TSPAN5: variants seen among roughly 807,000 people sequenced by gnomAD.
TSPAN5 encodes the protein tetraspanin 5, also known as tetraspanin-5.
TSPAN5 carries 10 observed loss-of-function variants against 37.1 expected under a neutral mutation model. That is an observed-to-expected ratio of 0.27 (90% CI 0.17 to 0.46). The LOEUF is 0.46. Among genes scored for constraint, TSPAN5 ranks in the 20% least tolerant of loss-of-function variants. The pLI is 1.00. For missense variants in TSPAN5, 195 were observed against 326.6 expected, an observed-to-expected ratio of 0.60 and a Z score of 3.11; for synonymous variants, 110 against 118.9, an observed-to-expected ratio of 0.93 and a Z score of 0.48.
intron 1 of TSPAN5, among the ~76,000 whole-genome samples, chr4:98,580,735 C>T (rs929971497): frequency 9.2e-5 from 14 of 152,122 alleles, no homozygotes; most frequent in African/African-American, 3.4e-4. Flanking sequence ...AGCATGAAAA[C>T]CTGTTTTTTT....
At chr4:98,529,608 T>G (rs1192495132) in intron 1 of TSPAN5, among the ~76,000 whole-genome samples, 1 of 152,188 alleles carries the variant, frequency 6.6e-6, no homozygotes, top group African/African-American at 2.4e-5. Context: ...CTAGAGTTGC[T>G]ACCTACCTAG....
chr4:98,568,630 T>A (rs955713576), intron 1 of TSPAN5, among the ~76,000 whole-genome samples: 3 of 152,074 alleles, frequency 2.0e-5, no homozygotes, highest in Non-Finnish European at 4.4e-5. Flanking sequence ...CAAAGAAATT[T>A]AGACTCCCAC....
intron 1 of TSPAN5, among the ~76,000 whole-genome samples, chr4:98,557,211 A>G (rs1359186805): frequency 2.0e-5 from 3 of 152,236 alleles, no homozygotes; most frequent in African/African-American, 4.8e-5. Context: ...TAAACAGAAT[A>G]CACACTGTAT....
At chr4:98,478,538 A>T (rs958811864) in intron 5 of TSPAN5, 147 bp downstream of exon 5, 58 of 919,874 alleles carry the variant, frequency 6.3e-5, no homozygotes, top group Non-Finnish European at 9.7e-5. Context: ...TACTAGGAAG[A>T]TTTGAGCACC....
intron 1 of TSPAN5, among the ~76,000 whole-genome samples, chr4:98,646,637 C>A (rs953652845): frequency 2.0e-5 from 3 of 152,106 alleles, no homozygotes; most frequent in Non-Finnish European, 4.4e-5. Flanking sequence ...CTGGTATCCA[C>A]GATAAGAACT....
chr4:98,635,927 TAGA>T (rs542101745), intron 1 of TSPAN5, among the ~76,000 whole-genome samples: 511 of 152,316 alleles, frequency 3.4e-3, no homozygotes, highest in Non-Finnish European at 5.6e-3. Context: ...AGGGTAGGGA[TAGA>T]AGAAGTTTAG....
intron 1 of TSPAN5, among the ~76,000 whole-genome samples, chr4:98,601,238 C>G (rs995502160): frequency 4.6e-5 from 7 of 152,216 alleles, no homozygotes; most frequent in African/African-American, 1.7e-4. Flanking sequence ...AAGACACCAG[C>G]TGCATTAGCC....
chr4:98,611,024 GAC>G (rs1239660495), intron 1 of TSPAN5, among the ~76,000 whole-genome samples: 1 of 152,170 alleles, frequency 6.6e-6, no homozygotes, highest in East Asian at 1.9e-4. Context: ...CCCTCTTAAA[GAC>G]ACAGCCACTT....
chr4:98,655,741 AAGCT>A (rs1324689306), intron 1 of TSPAN5, among the ~76,000 whole-genome samples: 1 of 152,228 alleles, frequency 6.6e-6, no homozygotes, highest in Non-Finnish European at 1.5e-5. Flanking sequence ...GCAAGCTGCC[AAGCT>A]ACTGACCCCA....
rs11722586 is a variant in TSPAN5, at chr4:98,542,254, T to C, written c.82-34526A>G. ...CATCTGCTCACATCCGTTCCACCCA[T>C]GGAGCTGTGTGCTTATTCCAGGTGA... is the stretch of plus-strand genomic sequence containing the variant. On this transcript the variant is annotated intron_variant, in intron 1 of 7. Coordinates refer to ENST00000305798, the MANE Select transcript of TSPAN5 (RefSeq NM_005723.4). Among the ~76,000 whole-genome samples, 322 of 152,356 alleles carry C rather than the reference T, an allele frequency of 2.1e-3. 1 individual carries two copies. The highest frequency in any genetic ancestry group is 3.7e-3 in the Non-Finnish European group (249 of 68,034).
chr4:98,627,765 C>T (rs184537239), intron 1 of TSPAN5, among the ~76,000 whole-genome samples: 1 of 152,220 alleles, frequency 6.6e-6, no homozygotes, highest in Non-Finnish European at 1.5e-5. Context: ...ATTGCTGTAA[C>T]TCAAAACATA....
chr4:98,555,980 C>A (rs1444377300), intron 1 of TSPAN5, among the ~76,000 whole-genome samples: 1 of 122,632 alleles, frequency 8.2e-6, no homozygotes, highest in Non-Finnish European at 1.6e-5. Flanking sequence ...CGCGCGCGCA[C>A]ACACACGTGC....
At chr4:98,504,216 C>T (rs527541246) in intron 2 of TSPAN5, among the ~76,000 whole-genome samples, 1 of 152,224 alleles carries the variant, frequency 6.6e-6, no homozygotes, top group East Asian at 1.9e-4. Flanking sequence ...TGGGGATTTA[C>T]CCTCCAGGCC....
At chr4:98,656,670 C>T (rs1390236802) in intron 1 of TSPAN5, among the ~76,000 whole-genome samples, 1 of 152,194 alleles carries the variant, frequency 6.6e-6, no homozygotes, top group African/African-American at 2.4e-5. Flanking sequence ...TCGGATATGA[C>T]ATCCATTCAT....
At chr4:98,612,180 T>C (rs1756211683) in intron 1 of TSPAN5, among the ~76,000 whole-genome samples, 2 of 152,040 alleles carry the variant, frequency 1.3e-5, no homozygotes, top group Admixed American at 6.5e-5. Context: ...CTCTTCCATC[T>C]GAAGAGATGA....
At chr4:98,530,387 T>A (rs1438937063) in intron 1 of TSPAN5, among the ~76,000 whole-genome samples, 1 of 152,110 alleles carries the variant, frequency 6.6e-6, no homozygotes, top group African/African-American at 2.4e-5. Context: ...GACAATGATA[T>A]CCCCATCATA....
At chr4:98,625,458 T>A (rs1262568097) in intron 1 of TSPAN5, among the ~76,000 whole-genome samples, 1 of 152,218 alleles carries the variant, frequency 6.6e-6, no homozygotes, top group Non-Finnish European at 1.5e-5. Context: ...AGACTTATTT[T>A]CATGTTCAAC....
intron 1 of TSPAN5, chr4:98,560,294 A>G (rs1198087267): frequency 2.6e-5 from 4 of 152,234 alleles, no homozygotes; most frequent in Admixed American, 6.5e-5. Flanking sequence ...GTAAATTTTC[A>G]TCCCTCATGT....
chr4:98,551,580 C>T (rs1403291425), intron 1 of TSPAN5, among the ~76,000 whole-genome samples: 3 of 150,370 alleles, frequency 2.0e-5, no homozygotes, highest in Admixed American at 2.0e-4. Context: ...CAACCTCCGC[C>T]TCCCGGGTTC....
Sources: gnomAD v4.1 joint callset for allele counts (sites outside exome capture counted in the v4.1 genomes callset) on GRCh38, gnomAD v4.1.1 for gene constraint, MANE v1.5 for transcripts, NCBI Gene and HGNC (gene_info 2026-07-23, HGNC 2026-07-21) for gene names.